The following EXOC6B variants were observed in gnomAD, a reference collection of about 807,000 sequenced individuals.
EXOC6B encodes the protein SEC15 homolog B.
In EXOC6B, 54 loss-of-function variants were observed where a neutral mutation model predicts 113.5. The ratio of observed to expected loss-of-function variants is 0.48; its 90% CI spans 0.38 to 0.60. The LOEUF (loss-of-function observed/expected upper bound fraction) is 0.60. Among genes scored for constraint, EXOC6B ranks in the 20% least tolerant of loss-of-function variants. EXOC6B has a pLI of 0.00. For missense variants in EXOC6B, 797 were observed against 977.5 expected, an observed-to-expected ratio of 0.82 and a Z score of 2.46; for synonymous variants, 357 against 339.0, an observed-to-expected ratio of 1.05 and a Z score of -0.58.
rs1243703182 is a variant in EXOC6B, at chr2:72,272,085, G to A, written c.2196+62862C>T. Among the ~76,000 whole-genome samples the A allele has an allele frequency of 2.0e-5, 3 of 152,170 alleles. No homozygotes were observed. In the East Asian group the frequency reaches 5.8e-4, roughly 29 times the overall value. On this transcript the variant is annotated intron_variant, in intron 20 of 21. Coordinates refer to ENST00000272427, the MANE Select transcript of EXOC6B (RefSeq NM_015189.3). ...AAGTAGGAAAGGAGAATGGATGTGA[G>A]TCTGGGTGTGGCAAGTTCCTATTGC...
Position 72,761,322 on chromosome 2 carries a change from A to T in EXOC6B, c.114-19853T>A, listed in dbSNP as rs1439173274. Among the ~76,000 whole-genome samples, 3 of 152,294 alleles carry T rather than the reference A, an allele frequency of 2.0e-5. No homozygotes were observed. In the East Asian group the frequency reaches 5.8e-4, roughly 29 times the overall value. Reference sequence around the variant, plus strand: ...AGAATCTGATATTCTACACAGGTGAACTCTAAACTCAACAAAGTGATGATC... The same window carrying T: ...AGAATCTGATATTCTACACAGGTGATCTCTAAACTCAACAAAGTGATGATC... On this transcript the variant is annotated intron_variant, in intron 1 of 21. Transcript: ENST00000272427.
chr2:72,514,677 C>T lies in EXOC6B; in HGVS notation c.1003G>A (p.Glu335Lys), dbSNP rs915625862. 23 of 1,470,868 alleles carry T rather than the reference C, an allele frequency of 1.6e-5. No homozygotes were observed. The highest frequency in any genetic ancestry group is 2.0e-5 in the Non-Finnish European group (22 of 1,094,760). 91.1% of individuals were successfully genotyped at this position (1,470,868 alleles called of 1,614,324 possible). Residue 335 changes from glutamate to lysine, a missense_variant, in exon 10 of 22, where the codon GAA becomes AAA. Glu to Lys is a moderately conservative substitution (Grantham distance 56). Transcript: ENST00000272427. Reference sequence around the variant, plus strand: ...TACTTCCTGTAGCCATCTAAAGTTTCATGCTGCAACAAAGCAAAGAAGAAA... The same window carrying T: ...TACTTCCTGTAGCCATCTAAAGTTTTATGCTGCAACAAAGCAAAGAAGAAA... ...LVLQPPSNMH[E>K]TLDGYRKYFN...
intron 6 of EXOC6B, among the ~76,000 whole-genome samples, chr2:72,631,490 AGAGAGAGAGAGAGAGAGAGAG>A (rs1672460692): frequency 9.5e-6 from 1 of 104,718 alleles, no homozygotes; most frequent in Non-Finnish European, 1.9e-5. Flanking sequence ...AGAGAGAGAG[AGAGAGAGAGAGAGAGAGAGAG>A]AGAGAGAGAG....
At chr2:72,521,035 G>C (rs1403439144) in intron 8 of EXOC6B, among the ~76,000 whole-genome samples, 1 of 152,118 alleles carries the variant, frequency 6.6e-6, no homozygotes, top group East Asian at 1.9e-4. Context: ...AAATTAACAT[G>C]TTAAAACTTA....
chr2:72,372,467 C>T lies in EXOC6B; in HGVS notation c.2122+7262G>A, dbSNP rs569845712. Among the ~76,000 whole-genome samples the T allele has an allele frequency of 7.5e-4, 114 of 152,152 alleles. 1 individual carries two copies. Among genetic ancestry groups the T allele is most frequent in the Admixed American group, 2.2e-3 (33 of 15,280 alleles). ...AACAGCATGGTACTGGCATTAAATCCGACACACAGACCAATGGAACAGAAT... is the reference window on the plus strand; with the variant it reads ...AACAGCATGGTACTGGCATTAAATCTGACACACAGACCAATGGAACAGAAT... On this transcript the variant is annotated intron_variant, in intron 19 of 21. Coordinates refer to ENST00000272427, the MANE Select transcript of EXOC6B (RefSeq NM_015189.3).
chr2:72,706,569 C>G (rs576349532), intron 6 of EXOC6B, among the ~76,000 whole-genome samples: 2 of 152,222 alleles, frequency 1.3e-5, no homozygotes, highest in African/African-American at 4.8e-5. Flanking sequence ...GAGACAGGGT[C>G]TCACTATGTT....
At chr2:72,223,157 C>G (rs776674498) in intron 20 of EXOC6B, among the ~76,000 whole-genome samples, 144 of 152,072 alleles carry the variant, frequency 9.5e-4, no homozygotes, top group Non-Finnish European at 1.7e-3. Context: ...GCCCAACAGG[C>G]AGATAAAGGT....
intron 6 of EXOC6B, among the ~76,000 whole-genome samples, chr2:72,602,634 T>C (rs571473576): frequency 5.9e-5 from 9 of 152,350 alleles, no homozygotes; most frequent in African/African-American, 1.9e-4. Context: ...TGAGTTCATG[T>C]CAAAATATGC....
chr2:72,516,883 A>C lies in EXOC6B; in HGVS notation c.916-1757T>G, dbSNP rs144399399. Among the ~76,000 whole-genome samples, 809 of 152,280 alleles carry C rather than the reference A, an allele frequency of 5.3e-3. 8 individuals are homozygous for C. The highest frequency in any genetic ancestry group is 0.019 in the African/African-American group (774 of 41,558). The stretch of plus-strand genomic sequence containing the variant: ...TTATTTTAAAAATAAATAAGATAAA[A>C]TCAATGATTAAAGTAAAAGCCCTGC... On this transcript the variant is annotated intron_variant, in intron 8 of 21. Transcript: ENST00000272427.
intron 20 of EXOC6B, among the ~76,000 whole-genome samples, chr2:72,290,350 A>AT (rs1383595276): frequency 6.6e-6 from 1 of 152,170 alleles, no homozygotes; most frequent in African/African-American, 2.4e-5. Flanking sequence ...TATTACCTAC[A>AT]TTTTGTCCAT....
At chr2:72,699,110 T>C (rs1193953603) in intron 6 of EXOC6B, among the ~76,000 whole-genome samples, 1 of 152,212 alleles carries the variant, frequency 6.6e-6, no homozygotes, top group East Asian at 1.9e-4. Flanking sequence ...ATCCCTAAAA[T>C]GCTTATGAAC....
intron 7 of EXOC6B, among the ~76,000 whole-genome samples, chr2:72,564,147 G>A (rs750669539): frequency 4.6e-5 from 7 of 152,094 alleles, no homozygotes; most frequent in South Asian, 2.1e-4. Context: ...GAAGAGGAGC[G>A]ATATACTATG....
chr2:72,373,129 C>T (rs895095432), intron 19 of EXOC6B, among the ~76,000 whole-genome samples: 10 of 149,372 alleles, frequency 6.7e-5, no homozygotes, highest in Non-Finnish European at 1.2e-4. Flanking sequence ...CAATGGCGCA[C>T]GCAGTCTCAG....
intron 6 of EXOC6B, among the ~76,000 whole-genome samples, chr2:72,599,952 AG>A (rs1269265157): frequency 2.0e-5 from 3 of 152,200 alleles, no homozygotes; most frequent in Non-Finnish European, 2.9e-5. Flanking sequence ...ACTCAATATT[AG>A]AATATCAATT....
chr2:72,240,005 A>G (rs62147623), intron 20 of EXOC6B, among the ~76,000 whole-genome samples: 5,910 of 152,274 alleles, frequency 0.039, 141 homozygotes, highest in Non-Finnish European at 0.052. Context: ...TGTATAATAT[A>G]CCAAGGTACA....
At chr2:72,426,319 A>G (rs1401560305) in intron 18 of EXOC6B, among the ~76,000 whole-genome samples, 1 of 152,212 alleles carries the variant, frequency 6.6e-6, no homozygotes, top group Non-Finnish European at 1.5e-5. Context: ...ATCTCTTATC[A>G]TAAAGCCTAA....
chr2:72,738,593 G>A (rs1681112076), intron 2 of EXOC6B, among the ~76,000 whole-genome samples: 1 of 152,182 alleles, frequency 6.6e-6, no homozygotes, highest in South Asian at 2.1e-4. Context: ...AAGCATTTCA[G>A]ATACTTTTGT....
intron 18 of EXOC6B, among the ~76,000 whole-genome samples, chr2:72,450,526 C>T (rs902251782): frequency 6.7e-6 from 1 of 150,172 alleles, no homozygotes; most frequent in Non-Finnish European, 1.5e-5. Context: ...GTCAATAAGA[C>T]AAGTAGATAT....
chr2:72,353,871 A>G (rs1217658011), intron 19 of EXOC6B, among the ~76,000 whole-genome samples: 2 of 152,200 alleles, frequency 1.3e-5, no homozygotes, highest in Admixed American at 6.5e-5. Context: ...TTGAAATGGC[A>G]TTACTTATTC....
Sources: allele counts gnomAD v4.1 joint callset (sites outside exome capture counted in the v4.1 genomes callset), GRCh38; gene constraint gnomAD v4.1.1; transcripts MANE v1.5; gene names NCBI Gene and HGNC (gene_info 2026-07-23, HGNC 2026-07-21).